DLGAP2: variants seen among roughly 807,000 people sequenced by gnomAD.
The protein encoded by DLGAP2 is disks large-associated protein 2.
Under a neutral mutation model 100.3 loss-of-function variants are expected in DLGAP2, and 26 were observed. The observed-to-expected ratio is 0.26, with a 90% CI of 0.19 to 0.36. The LOEUF is 0.36. Among genes scored for constraint, DLGAP2 ranks in the 10% least tolerant of loss-of-function variants. The probability of loss-of-function intolerance (pLI) is 1.00; values close to 1 mark genes in which losing one functional copy is unlikely to be tolerated. For missense variants in DLGAP2, 1,858 were observed against 1,453.2 expected (o/e 1.28, Z -4.53); for synonymous variants, 886 against 630.1 (o/e 1.41, Z -6.08).
At chr8:1,178,694 G>T (rs998254801) in intron 2 of DLGAP2, among the ~76,000 whole-genome samples, 1 of 152,172 alleles carries the variant, frequency 6.6e-6, no homozygotes, top group East Asian at 1.9e-4. Context: ...TGCACAAAAT[G>T]TAGAAGTTTT....
intron 8 of DLGAP2, among the ~76,000 whole-genome samples, chr8:1,656,268 C>A (rs923286047): frequency 1.3e-5 from 2 of 152,014 alleles, no homozygotes; most frequent in African/African-American, 4.8e-5. Flanking sequence ...TGAGATCGTG[C>A]CACTGCATTC....
At chr8:1,190,323 C>T (rs1022161069) in intron 2 of DLGAP2, among the ~76,000 whole-genome samples, 2 of 152,108 alleles carry the variant, frequency 1.3e-5, no homozygotes, top group Non-Finnish European at 2.9e-5. Context: ...TCACGTGGCT[C>T]GGTGAAATAG....
chr8:1,259,370 A>C (rs570631820), intron 3 of DLGAP2, among the ~76,000 whole-genome samples: 1 of 152,216 alleles, frequency 6.6e-6, no homozygotes, highest in Non-Finnish European at 1.5e-5. Context: ...CTGTGTTTAA[A>C]ACACGCGGCA....
At chr8:1,493,230 G>A (rs547703919) in intron 3 of DLGAP2, among the ~76,000 whole-genome samples, 5 of 152,254 alleles carry the variant, frequency 3.3e-5, no homozygotes, top group Non-Finnish European at 7.4e-5. Context: ...CGCCTCCATG[G>A]ATGGAGCGCA....
At chr8:1,212,180 G>T (rs903687962) in intron 2 of DLGAP2, among the ~76,000 whole-genome samples, 13 of 152,236 alleles carry the variant, frequency 8.5e-5, no homozygotes, top group Non-Finnish European at 1.5e-4. Flanking sequence ...ACATTCCCAA[G>T]AGCCTCATGT....
intron 1 of DLGAP2, among the ~76,000 whole-genome samples, chr8:810,174 A>G (rs1298201312): frequency 6.6e-6 from 1 of 152,232 alleles, no homozygotes; most frequent in Non-Finnish European, 1.5e-5. Flanking sequence ...GACTTTCCAC[A>G]GTGAATCTCA....
intron 2 of DLGAP2, among the ~76,000 whole-genome samples, chr8:1,123,202 T>A (rs1796090092): frequency 6.6e-6 from 1 of 152,372 alleles, no homozygotes; most frequent in Non-Finnish European, 1.5e-5. Context: ...ATTAATCAAC[T>A]TTTATAGAAA....
At chr8:1,113,833 A>G (rs1472300101) in intron 2 of DLGAP2, among the ~76,000 whole-genome samples, 8 of 152,076 alleles carry the variant, frequency 5.3e-5, no homozygotes, top group Non-Finnish European at 1.2e-4. Context: ...GGCTGTGGGG[A>G]TGTCATAGAT....
At chr8:1,492,615 G>A (rs1268476576) in intron 3 of DLGAP2, among the ~76,000 whole-genome samples, 1 of 152,206 alleles carries the variant, frequency 6.6e-6, no homozygotes, top group Non-Finnish European at 1.5e-5. Context: ...GCCCACGCCT[G>A]TCCCCTCCCC....
At chr8:1,539,311 TTGAGA>T (rs1477359564) in intron 4 of DLGAP2, among the ~76,000 whole-genome samples, 4 of 152,330 alleles carry the variant, frequency 2.6e-5, no homozygotes, top group Admixed American at 6.5e-5. Flanking sequence ...GCCTTCCACA[TTGAGA>T]TGCAATCCAC....
intron 2 of DLGAP2, among the ~76,000 whole-genome samples, chr8:1,209,454 C>T (rs1451461157): frequency 6.6e-6 from 1 of 152,152 alleles, no homozygotes; most frequent in Admixed American, 6.5e-5. Flanking sequence ...CATATGTAGT[C>T]CTAGATCTGT....
At chr8:1,445,185 C>A (rs1408709565) in intron 3 of DLGAP2, among the ~76,000 whole-genome samples, 1 of 149,524 alleles carries the variant, frequency 6.7e-6, no homozygotes, top group African/African-American at 2.5e-5. Context: ...TGTGCTGCAC[C>A]CATTAACTCG....
chr8:987,416 C>T (rs1476233625), intron 2 of DLGAP2, among the ~76,000 whole-genome samples: 3 of 152,164 alleles, frequency 2.0e-5, no homozygotes. Flanking sequence ...TCATCACCTC[C>T]CTTGGCTGCA....
chr8:1,419,974 C>G (rs1797043903), intron 3 of DLGAP2, among the ~76,000 whole-genome samples: 1 of 152,216 alleles, frequency 6.6e-6, no homozygotes, highest in Non-Finnish European at 1.5e-5. Context: ...TAGGTAGACA[C>G]AGTGGACTAC....
At chr8:1,095,081 G>A (rs1183902960) in intron 2 of DLGAP2, among the ~76,000 whole-genome samples, 4 of 141,218 alleles carry the variant, frequency 2.8e-5, no homozygotes. Flanking sequence ...CCAGGGTGGA[G>A]TGAGACAGCC....
At chr8:1,145,477 T>A (rs1796590141) in intron 2 of DLGAP2, among the ~76,000 whole-genome samples, 1 of 152,206 alleles carries the variant, frequency 6.6e-6, no homozygotes, top group South Asian at 2.1e-4. Context: ...TGGGTGTGCA[T>A]GCTTCATCCA....
At chr8:1,203,101 A>G (rs1797914754) in intron 2 of DLGAP2, among the ~76,000 whole-genome samples, 1 of 149,238 alleles carries the variant, frequency 6.7e-6, no homozygotes, top group African/African-American at 2.4e-5. Context: ...TGTTTCTCTT[A>G]GGGTTTTTGT....
chr8:1,119,284 A>AT lies in DLGAP2; in HGVS notation c.74-139566dup, dbSNP rs200228119. Among the ~76,000 whole-genome samples the AT allele has an allele frequency of 8.4e-3, 1,273 of 152,350 alleles. 18 individuals are homozygous for AT. The highest frequency in any genetic ancestry group is 0.029 in the African/African-American group (1,193 of 41,576). ...CTTTTATTTCAGCCTTTGACATAAT[A>AT]TAAGCTTGTTAATTCATCTGCAAAA... On this transcript the variant is annotated intron_variant, in intron 2 of 14. Transcript: ENST00000637795.
At chr8:836,174 C>T (rs377674249) in intron 1 of DLGAP2, among the ~76,000 whole-genome samples, 2 of 152,324 alleles carry the variant, frequency 1.3e-5, no homozygotes, top group African/African-American at 4.8e-5. Flanking sequence ...TCAGGAAAAG[C>T]TGGAGAATGC....
Sources: allele counts gnomAD v4.1 joint callset (sites outside exome capture counted in the v4.1 genomes callset), GRCh38; gene constraint gnomAD v4.1.1; transcripts MANE v1.5; gene names NCBI Gene and HGNC (gene_info 2026-07-23, HGNC 2026-07-21).